DNM3: variants seen among roughly 807,000 people sequenced by gnomAD.
DNM3 encodes dynamin 3.
In DNM3, 47 loss-of-function variants were observed where a neutral mutation model predicts 101.6. The ratio of observed to expected loss-of-function variants is 0.46; its 90% CI spans 0.37 to 0.59. The LOEUF (loss-of-function observed/expected upper bound fraction) is 0.59, where lower values mean the gene tolerates loss of function less well. Among genes scored for constraint, DNM3 ranks in the 20% least tolerant of loss-of-function variants. The pLI is 0.00. For synonymous variants in DNM3, 385 were observed against 387.9 expected, an observed-to-expected ratio of 0.99 and a Z score of 0.09; for missense variants, 849 against 1,085.7, an observed-to-expected ratio of 0.78 and a Z score of 3.06.
intron 11 of DNM3, among the ~76,000 whole-genome samples, chr1:172,071,388 T>C (rs2052179742): frequency 6.6e-6 from 1 of 151,882 alleles, no homozygotes; most frequent in African/African-American, 2.4e-5. Flanking sequence ...TATGGACTTG[T>C]GTGGCATAGC....
intron 13 of DNM3, among the ~76,000 whole-genome samples, chr1:172,116,277 G>A (rs1301844529): frequency 6.6e-6 from 1 of 152,200 alleles, no homozygotes; most frequent in East Asian, 1.9e-4. Context: ...CTGGATGGAT[G>A]TGTCTTTTTC....
intron 1 of DNM3, among the ~76,000 whole-genome samples, chr1:171,920,865 G>A (rs1217180196): frequency 6.6e-6 from 1 of 152,188 alleles, no homozygotes. Context: ...AATTTGCAAT[G>A]TTTGTTTTCT....
At position 172,042,087 on chromosome 1, in the gene DNM3, A is replaced by C; in HGVS notation, c.1071A>C (p.Ser357=). ...SGDQVDTLEL[S]GGAKINRIFH... ...ATCAAGTAGATACCCTGGAACTCTC[A>C]GGTGGTGCTAAAATCAATCGTATTT... The change falls in exon 8 of 21, where the codon TCA becomes TCC. Residue 357 remains serine, a synonymous_variant. Transcript: ENST00000627582. 1 of 1,611,540 alleles carries C rather than the reference A, an allele frequency of 6.2e-7. No homozygotes were observed. The highest frequency in any genetic ancestry group is 2.2e-5 in the East Asian group (1 of 44,836).
At chr1:172,228,081 T>C (rs755785169) in intron 14 of DNM3, among the ~76,000 whole-genome samples, 3 of 152,250 alleles carry the variant, frequency 2.0e-5, no homozygotes, top group Middle Eastern at 3.4e-3. Flanking sequence ...CTTTTATTCA[T>C]ATATATTGCC....
intron 2 of DNM3, among the ~76,000 whole-genome samples, chr1:171,944,907 A>C (rs1178334227): frequency 1.8e-5 from 2 of 112,602 alleles, no homozygotes; most frequent in Non-Finnish European, 3.3e-5. Context: ...TCTGTCACCC[A>C]GGCTAGAATG....
chr1:172,364,422 T>C (rs1406751379), intron 17 of DNM3, among the ~76,000 whole-genome samples: 10 of 151,772 alleles, frequency 6.6e-5, no homozygotes, highest in Non-Finnish European at 1.2e-4. Context: ...CAGATCTAAA[T>C]ACCAAATTAT....
intron 13 of DNM3, chr1:172,093,653 A>T: frequency 6.4e-7 from 1 of 1,568,428 alleles, no homozygotes; most frequent in African/African-American, 1.4e-5. Flanking sequence ...TATTTTAAAA[A>T]CTTTTTTTCT....
chr1:172,158,147 C>A (rs188976603), intron 14 of DNM3, among the ~76,000 whole-genome samples: 1 of 151,978 alleles, frequency 6.6e-6, no homozygotes, highest in African/African-American at 2.4e-5. Flanking sequence ...AGTAAGCATG[C>A]GGATGACTGA....
intron 1 of DNM3, among the ~76,000 whole-genome samples, chr1:171,893,418 A>G (rs2037472576): frequency 1.3e-5 from 2 of 151,706 alleles, no homozygotes; most frequent in African/African-American, 4.8e-5. Flanking sequence ...AGGTTTTGAA[A>G]TAGTCCAAAC....
chr1:172,257,114 T>C (rs1023863542), intron 15 of DNM3, among the ~76,000 whole-genome samples: 1 of 152,110 alleles, frequency 6.6e-6, no homozygotes, highest in African/African-American at 2.4e-5. Context: ...CTGATTGGAT[T>C]ATGCTTGTTA....
intron 17 of DNM3, among the ~76,000 whole-genome samples, chr1:172,377,139 A>C (rs2149050693): frequency 6.6e-6 from 1 of 152,084 alleles, no homozygotes; most frequent in Non-Finnish European, 1.5e-5. Flanking sequence ...AACTCTCTTT[A>C]TGTTCTGGTT....
intron 10 of DNM3, among the ~76,000 whole-genome samples, chr1:172,057,508 C>A (rs1304382721): frequency 6.6e-6 from 1 of 152,204 alleles, no homozygotes; most frequent in Non-Finnish European, 1.5e-5. Context: ...AGCAGAAACT[C>A]TACAAGCCAG....
At chr1:172,344,207 G>A (rs2066826354) in intron 17 of DNM3, among the ~76,000 whole-genome samples, 1 of 151,918 alleles carries the variant, frequency 6.6e-6, no homozygotes, top group African/African-American at 2.4e-5. Context: ...TCATTGCGTT[G>A]GCAAAAAATG....
chr1:171,917,556 T>C (rs187669678), intron 1 of DNM3, among the ~76,000 whole-genome samples: 268 of 152,206 alleles, frequency 1.8e-3, no homozygotes, highest in Non-Finnish European at 2.6e-3. Flanking sequence ...TTGAGATGGG[T>C]TGAGAGAGAA....
chr1:172,145,198 A>C (rs1220889970), intron 14 of DNM3, among the ~76,000 whole-genome samples: 4 of 152,160 alleles, frequency 2.6e-5, no homozygotes, highest in Non-Finnish European at 5.9e-5. Context: ...TAGTAAACAG[A>C]AAGTTGAACA....
chr1:172,245,454 A>G (rs1485916478), intron 14 of DNM3, among the ~76,000 whole-genome samples: 2 of 152,218 alleles, frequency 1.3e-5, no homozygotes, highest in Non-Finnish European at 2.9e-5. Context: ...GAATGTGAGG[A>G]ATCCTGGCAA....
chr1:171,991,649 A>G (rs2045637063), intron 4 of DNM3, among the ~76,000 whole-genome samples: 1 of 152,196 alleles, frequency 6.6e-6, no homozygotes, highest in Non-Finnish European at 1.5e-5. Context: ...TGATTAAATC[A>G]TTAGCTATTG....
chr1:172,226,444 T>G (rs2061125302), intron 14 of DNM3, among the ~76,000 whole-genome samples: 1 of 152,198 alleles, frequency 6.6e-6, no homozygotes, highest in Admixed American at 6.5e-5. Flanking sequence ...CATCAGGACA[T>G]ATTGTACTAG....
intron 13 of DNM3, among the ~76,000 whole-genome samples, chr1:172,099,966 G>T (rs1335975064): frequency 6.6e-6 from 1 of 152,190 alleles, no homozygotes; most frequent in Non-Finnish European, 1.5e-5. Flanking sequence ...TCATTCCTTT[G>T]TCCTCAAGAG....
Sources: allele counts gnomAD v4.1 joint callset (sites outside exome capture counted in the v4.1 genomes callset), GRCh38; gene constraint gnomAD v4.1.1; transcripts MANE v1.5; gene names NCBI Gene and HGNC (gene_info 2026-07-23, HGNC 2026-07-21).